Variants in DOK6 observed in about 807,000 individuals in gnomAD.
The protein encoded by DOK6 is downstream of tyrosine kinase 6.
DOK6 carries 22 observed loss-of-function variants against 44.0 expected under a neutral mutation model. The observed-to-expected ratio is 0.50, with a 90% CI of 0.36 to 0.71. DOK6 has a LOEUF of 0.71. Among genes scored for constraint, DOK6 ranks in the 30% least tolerant of loss-of-function variants. The pLI is 0.00. For missense variants in DOK6, 340 were observed against 416.4 expected (o/e 0.82, Z 1.60); for synonymous variants, 166 against 145.5 (o/e 1.14, Z -1.01).
intron 7 of DOK6, among the ~76,000 whole-genome samples, chr18:69,808,836 C>CA (rs1981133024): frequency 1.3e-5 from 2 of 151,738 alleles, no homozygotes; most frequent in Non-Finnish European, 3.0e-5. Flanking sequence ...CTGATGCCTT[C>CA]ACAACTGAAC....
intron 1 of DOK6, among the ~76,000 whole-genome samples, chr18:69,435,873 A>G (rs2122433018): frequency 6.6e-6 from 1 of 152,002 alleles, no homozygotes; most frequent in South Asian, 2.1e-4. Flanking sequence ...CTTGGCTCAT[A>G]TGTGCTTTTC....
chr18:69,788,894 C>T lies in DOK6; in HGVS notation c.856+31021C>T, dbSNP rs142797215. Among the ~76,000 whole-genome samples, 312 of 152,128 alleles carry T rather than the reference C, an allele frequency of 2.1e-3. 1 individual carries two copies. Among genetic ancestry groups the T allele is most frequent in the Middle Eastern group, 3.4e-3 (1 of 294 alleles). ...TCATGAAATAATGGAAATGTTTTCC[C>T]GTAAATAACCAAAGAACAGAAATAA... On this transcript the variant is annotated intron_variant, in intron 7 of 7. Coordinates refer to ENST00000382713, the MANE Select transcript of DOK6 (RefSeq NM_152721.6).
At chr18:69,659,609 G>T (rs1007355724) in intron 3 of DOK6, among the ~76,000 whole-genome samples, 1 of 152,088 alleles carries the variant, frequency 6.6e-6, no homozygotes, top group African/African-American at 2.4e-5. Flanking sequence ...AACTGGAGTG[G>T]AGGATCAGGA....
At chr18:69,775,569 G>C (rs1980036583) in intron 7 of DOK6, among the ~76,000 whole-genome samples, 2 of 151,238 alleles carry the variant, frequency 1.3e-5, no homozygotes, top group Admixed American at 1.3e-4. Context: ...AAGTAAATAG[G>C]AGAAAAGGGG....
chr18:69,680,021 G>T (rs111604352), intron 4 of DOK6, among the ~76,000 whole-genome samples: 1,590 of 152,068 alleles, frequency 0.01, 8 homozygotes, highest in Middle Eastern at 0.027. Flanking sequence ...ACTTTACAGT[G>T]GACCTAAAAT....
At chr18:69,427,095 A>T (rs1004738465) in intron 1 of DOK6, among the ~76,000 whole-genome samples, 1 of 152,022 alleles carries the variant, frequency 6.6e-6, no homozygotes, top group African/African-American at 2.4e-5. Context: ...AACATATGGT[A>T]TTTGGTTATA....
chr18:69,583,971 G>A (rs539017023), intron 2 of DOK6, among the ~76,000 whole-genome samples: 20 of 151,730 alleles, frequency 1.3e-4, no homozygotes, highest in Admixed American at 3.9e-4. Flanking sequence ...AGCCAGGCGT[G>A]GTGGCGGGCG....
At chr18:69,759,821 G>T (rs1979484224) in intron 7 of DOK6, among the ~76,000 whole-genome samples, 1 of 152,038 alleles carries the variant, frequency 6.6e-6, no homozygotes, top group South Asian at 2.1e-4. Context: ...CTTAATCTCA[G>T]TATTTCATGT....
chr18:69,670,449 C>G (rs1281567411), intron 3 of DOK6, among the ~76,000 whole-genome samples: 1 of 151,858 alleles, frequency 6.6e-6, no homozygotes, highest in Non-Finnish European at 1.5e-5. Context: ...AGCACCTCTT[C>G]CTCAAAAAGT....
At chr18:69,718,914 G>A (rs913854880) in intron 5 of DOK6, among the ~76,000 whole-genome samples, 3 of 151,988 alleles carry the variant, frequency 2.0e-5, no homozygotes, top group African/African-American at 7.3e-5. Context: ...TGGAATCTCT[G>A]CTCTAAATCT....
intron 4 of DOK6, among the ~76,000 whole-genome samples, chr18:69,681,729 A>G (rs965839588): frequency 5.3e-5 from 8 of 152,250 alleles, no homozygotes; most frequent in African/African-American, 1.7e-4. Context: ...AATATATGGC[A>G]TTACAGTTAT....
At chr18:69,655,771 AAAAAAAAAAAAAC>A (rs1308874609) in intron 3 of DOK6, among the ~76,000 whole-genome samples, 14 of 146,656 alleles carry the variant, frequency 9.5e-5, no homozygotes, top group Non-Finnish European at 1.5e-4. Flanking sequence ...CAAAAAAAAA[AAAAAAAAAAAAAC>A]AAAAGAACAA....
intron 1 of DOK6, among the ~76,000 whole-genome samples, chr18:69,507,497 C>T (rs975828893): frequency 6.6e-6 from 1 of 152,110 alleles, no homozygotes; most frequent in Non-Finnish European, 1.5e-5. Flanking sequence ...TTACATCTTA[C>T]TGCTGCTGAG....
chr18:69,810,766 C>T (rs1225130540), intron 7 of DOK6, among the ~76,000 whole-genome samples: 1 of 151,584 alleles, frequency 6.6e-6, no homozygotes, highest in Non-Finnish European at 1.5e-5. Context: ...AATGAGATAT[C>T]ACAATGGTTA....
chr18:69,812,089 T>G (rs1366711015), intron 7 of DOK6, among the ~76,000 whole-genome samples: 1 of 152,052 alleles, frequency 6.6e-6, no homozygotes, highest in African/African-American at 2.4e-5. Context: ...AAGAATATAT[T>G]TAATAGAATG....
At chr18:69,562,582 A>G (rs147774312) in intron 1 of DOK6, among the ~76,000 whole-genome samples, 37 of 152,324 alleles carry the variant, frequency 2.4e-4, no homozygotes, top group African/African-American at 8.9e-4. Context: ...GGTGCTGGGA[A>G]AACTGGCTAG....
rs141457488 is a variant in DOK6 at position 69,421,014 on chromosome 18, C to A, written c.66+19704C>A. ...AACGATTCCTCAGATCTCTTGATCA[C>A]TTTCCCTGTTATGTGTGCAGTCTAC... On this transcript the variant is annotated intron_variant, in intron 1 of 7. Transcript: ENST00000382713. Among the ~76,000 whole-genome samples the A allele has an allele frequency of 5.7e-3, 871 of 152,294 alleles. 7 individuals carry two copies. Among genetic ancestry groups the A allele is most frequent in the African/African-American group, 0.018 (768 of 41,570 alleles).
chr18:69,672,519 C>A (rs1280911691), intron 3 of DOK6, among the ~76,000 whole-genome samples: 1 of 152,154 alleles, frequency 6.6e-6, no homozygotes, highest in Admixed American at 6.5e-5. Context: ...GCACCGCGCC[C>A]GGCTAATTTT....
chr18:69,705,152 A>G (rs1438056858), intron 5 of DOK6: 1 of 152,168 alleles, frequency 6.6e-6, no homozygotes, highest in East Asian at 1.9e-4. Context: ...ACGTTGGGAA[A>G]ATGTTCTCTT....
Sources: gnomAD v4.1 joint callset for allele counts (sites outside exome capture counted in the v4.1 genomes callset) on GRCh38, gnomAD v4.1.1 for gene constraint, MANE v1.5 for transcripts, NCBI Gene and HGNC (gene_info 2026-07-23, HGNC 2026-07-21) for gene names.